XRCC4: variants seen among roughly 807,000 people sequenced by gnomAD.
XRCC4 encodes X-ray repair cross complementing 4.
Under a neutral mutation model 39.1 loss-of-function variants are expected in XRCC4, and 28 were observed. The observed-to-expected ratio is 0.72, with a 90% CI of 0.53 to 0.98. The LOEUF (loss-of-function observed/expected upper bound fraction) is 0.98. XRCC4 is among the 50% of genes least tolerant of loss of function. The probability of loss-of-function intolerance (pLI) is 0.00; values close to 1 mark genes in which losing one functional copy is unlikely to be tolerated. For missense variants in XRCC4, 350 were observed against 376.4 expected (o/e 0.93, Z 0.58); for synonymous variants, 123 against 126.4 (o/e 0.97, Z 0.18).
In XRCC4 at chr5:83,353,309, G is replaced by C. The variant is rs958836825; in HGVS notation, c.*67G>C. The C allele has an allele frequency of 3.8e-6, 5 of 1,299,458 alleles. No homozygotes were observed. In the African/African-American group the frequency reaches 7.6e-5, roughly 20 times the overall value. 80.5% of individuals were successfully genotyped at this position (1,299,458 alleles called of 1,614,324 possible). Reference sequence around the variant, plus strand: ...CTATTCATTTCTTTAAAATGAAAAAGGAGAATTTCAAGTCAGCAGCCGCTA... The same window carrying C: ...CTATTCATTTCTTTAAAATGAAAAACGAGAATTTCAAGTCAGCAGCCGCTA... On this transcript the variant is annotated 3_prime_UTR_variant, in exon 8 of 8. Coordinates refer to ENST00000396027, the MANE Select transcript of XRCC4 (RefSeq NM_003401.5).
At chr5:83,133,350 G>T (rs563764933) in intron 3 of XRCC4, among the ~76,000 whole-genome samples, 1 of 152,186 alleles carries the variant, frequency 6.6e-6, no homozygotes, top group Non-Finnish European at 1.5e-5. Flanking sequence ...ACCCACTTGA[G>T]GAGGCAGTCT....
At chr5:83,201,119 G>T (rs1169995805) in intron 4 of XRCC4, 1 of 152,164 alleles carries the variant, frequency 6.6e-6, no homozygotes, top group East Asian at 1.9e-4. Context: ...GCTATTAAAT[G>T]AGGGAAAAAA....
intron 6 of XRCC4, 104 bp downstream of exon 6, chr5:83,205,025 C>A: frequency 1.4e-6 from 1 of 736,816 alleles, no homozygotes; most frequent in Non-Finnish European, 2.1e-6. Context: ...AGACCTTATT[C>A]TATGAAAATT....
chr5:83,238,714 A>G (rs1171916971), intron 6 of XRCC4, among the ~76,000 whole-genome samples: 2 of 152,106 alleles, frequency 1.3e-5, no homozygotes, highest in Non-Finnish European at 2.9e-5. Flanking sequence ...CTGTCTCTGA[A>G]TCGTTTTATT....
intron 1 of XRCC4, among the ~76,000 whole-genome samples, chr5:83,103,644 A>G (rs1264859337): frequency 6.6e-6 from 1 of 152,200 alleles, no homozygotes; most frequent in East Asian, 1.9e-4. Flanking sequence ...AAATCTAGAA[A>G]GTACCCAGAT....
intron 7 of XRCC4, among the ~76,000 whole-genome samples, chr5:83,298,001 A>G (rs199781997): frequency 1.3e-5 from 2 of 152,002 alleles, no homozygotes; most frequent in East Asian, 3.8e-4. Flanking sequence ...CTTGCTGTGT[A>G]GGACCTTTTA....
intron 7 of XRCC4, among the ~76,000 whole-genome samples, chr5:83,322,171 A>G (rs1204537511): frequency 1.3e-5 from 2 of 151,976 alleles, no homozygotes; most frequent in East Asian, 3.9e-4. Context: ...TGATGTCTGC[A>G]TAACTCCGGA....
At chr5:83,339,402 C>A (rs1189366988) in intron 7 of XRCC4, among the ~76,000 whole-genome samples, 1 of 151,836 alleles carries the variant, frequency 6.6e-6, no homozygotes, top group East Asian at 1.9e-4. Flanking sequence ...CATGTTGTCA[C>A]TCATAAGTGG....
In XRCC4 at chr5:83,258,780, T is replaced by G. The variant is rs1580434925; in HGVS notation, c.893+103T>G. The G allele has an allele frequency of 2.3e-6, 3 of 1,322,376 alleles. No homozygotes were observed. The East Asian group carries it at 7.6e-5, about 34-fold the overall frequency. 81.9% of individuals were successfully genotyped at this position (1,322,376 alleles called of 1,614,324 possible). ...TCATTTTGAACGTTTTTAAAGTTAT[T>G]TTTAAGAAAATGTCATTTTGGAATT... On this transcript the variant is annotated intron_variant, in intron 7 of 7. Transcript: ENST00000396027.
In XRCC4 at chr5:83,203,610, A is replaced by G; in HGVS notation, c.541A>G (p.Ile181Val). ...ALETDLYKRF[I>V]LVLNEKKTKI... ...GGAGACTGATCTTTATAAGCGGTTT[A>G]TTCTGGTGTTGAATGAGAAGAAAAC... Residue 181 changes from isoleucine to valine, a missense_variant, in exon 5 of 8, where the codon ATT becomes GTT. Physicochemically the swap from Ile to Val is conservative, Grantham distance 29. Coordinates refer to ENST00000396027, the MANE Select transcript of XRCC4 (RefSeq NM_003401.5). The G allele has an allele frequency of 6.2e-7, 1 of 1,612,076 alleles. No homozygotes were observed. Among genetic ancestry groups the G allele is most frequent in the Middle Eastern group, 1.7e-4 (1 of 6,056 alleles).
At chr5:83,174,933 ATAC>A (rs1413625268) in intron 3 of XRCC4, among the ~76,000 whole-genome samples, 1 of 152,308 alleles carries the variant, frequency 6.6e-6, no homozygotes, top group Non-Finnish European at 1.5e-5. Flanking sequence ...TGTAGGCCTT[ATAC>A]TACTACTCTC....
intron 6 of XRCC4, among the ~76,000 whole-genome samples, chr5:83,217,307 A>G (rs1751897821): frequency 6.7e-6 from 1 of 149,870 alleles, no homozygotes; most frequent in African/African-American, 2.5e-5. Flanking sequence ...CAGTGAGCCA[A>G]GATCACTCCA....
chr5:83,176,628 ATT>A (rs112213729), intron 3 of XRCC4, among the ~76,000 whole-genome samples: 1 of 145,742 alleles, frequency 6.9e-6, no homozygotes, highest in Non-Finnish European at 1.5e-5. Context: ...AAGTATTGGA[ATT>A]TTTTTTTTTT....
At chr5:83,255,129 G>A (rs1753488602) in intron 6 of XRCC4, among the ~76,000 whole-genome samples, 1 of 151,714 alleles carries the variant, frequency 6.6e-6, no homozygotes, top group Admixed American at 6.6e-5. Flanking sequence ...AAAAATGTTC[G>A]AGATGAGCAA....
intron 4 of XRCC4, among the ~76,000 whole-genome samples, chr5:83,203,008 G>A (rs944529537): frequency 9.2e-5 from 14 of 151,702 alleles, no homozygotes; most frequent in African/African-American, 3.4e-4. Flanking sequence ...ACTTTCATTG[G>A]GTATGTGTAT....
intron 1 of XRCC4, among the ~76,000 whole-genome samples, chr5:83,094,622 A>C (rs1027428200): frequency 2.0e-5 from 3 of 149,336 alleles, no homozygotes; most frequent in African/African-American, 7.4e-5. Context: ...CAAACTTTTC[A>C]TTTTGTTCAT....
chr5:83,110,879 T>A, intron 2 of XRCC4, 149 bp from the exon 3 acceptor site: 1 of 680,436 alleles, frequency 1.5e-6, no homozygotes, highest in South Asian at 2.6e-5. Context: ...AAGGAATAAT[T>A]TGATTTAAAA....
chr5:83,090,225 G>A (rs971122076), intron 1 of XRCC4, among the ~76,000 whole-genome samples: 1 of 152,058 alleles, frequency 6.6e-6, no homozygotes, highest in Non-Finnish European at 1.5e-5. Context: ...GAATTCCCAC[G>A]TGTTGTGGGA....
chr5:83,343,512 A>G (rs1756825421), intron 7 of XRCC4, among the ~76,000 whole-genome samples: 1 of 152,076 alleles, frequency 6.6e-6, no homozygotes, highest in Non-Finnish European at 1.5e-5. Flanking sequence ...CCTAAAGTGT[A>G]TTTACAGGTT....
Sources: gnomAD v4.1 joint callset for allele counts (sites outside exome capture counted in the v4.1 genomes callset) on GRCh38, gnomAD v4.1.1 for gene constraint, MANE v1.5 for transcripts, NCBI Gene and HGNC (gene_info 2026-07-23, HGNC 2026-07-21) for gene names.